MED8: variants seen among roughly 807,000 people sequenced by gnomAD.
The protein encoded by MED8 is mediator complex subunit 8.
In MED8, 22 loss-of-function variants were observed where a neutral mutation model predicts 34.8. The observed-to-expected ratio is 0.63, with a 90% CI of 0.45 to 0.90. The LOEUF (loss-of-function observed/expected upper bound fraction) is 0.90. Among genes scored for constraint, MED8 ranks in the 40% least tolerant of loss-of-function variants. MED8 has a pLI of 0.00. For synonymous variants in MED8, 105 were observed against 120.2 expected (o/e 0.87, Z 0.83); for missense variants, 260 against 326.3 (o/e 0.80, Z 1.57).
In MED8 at chr1:43,386,457, C is replaced by T; in HGVS notation, c.493+132G>A. The T allele has an allele frequency of 8.8e-7, 1 of 1,135,196 alleles. No individual in the cohort carries two copies. Among genetic ancestry groups the T allele is most frequent in the Non-Finnish European group, 1.3e-6 (1 of 796,302 alleles). 70.3% of individuals were successfully genotyped at this position (1,135,196 alleles called of 1,614,324 possible). ...CAGTGCTGGCCTTAAATACAAAAGG[C>T]TAACAGAATGGATACAAACCCCAAA... On this transcript the variant is annotated intron_variant, in intron 5 of 6. Coordinates refer to ENST00000372457, the MANE Select transcript of MED8 (RefSeq NM_201542.5). This position sits in a 1 kb window ranked among gnomAD's most constrained non-coding sequence, Gnocchi z 4.9.
chr1:43,388,620 C>G, intron 1 of MED8, 192 bp from the exon 2 acceptor site: 1 of 853,916 alleles, frequency 1.2e-6, no homozygotes, highest in Non-Finnish European at 1.7e-6. Context: ...ACCTTCCAAC[C>G]TGTTTGCCTG....
In MED8 at chr1:43,386,998, G is replaced by T; in HGVS notation, c.271C>A (p.Arg91=). 6.2e-7 allele frequency: 1 copy of T among 1,613,828 alleles called. No individual in the cohort carries two copies. Among genetic ancestry groups the T allele is most frequent in the African/African-American group, 1.3e-5 (1 of 75,022 alleles). ...LSPDRDEDLM[R]QTEGRVPVFS... is the part of the protein sequence containing the mutation. ...ACAGGCACCCGTCCTTCAGTCTGCC[G>T]CTGTAACACACAGATTTTATTGATC... The change falls in exon 4 of 7, where the codon CGG becomes AGG. Residue 91 remains arginine (R), a splice_region_variant and synonymous_variant. Coordinates refer to ENST00000372457, the MANE Select transcript of MED8 (RefSeq NM_201542.5). This position sits in a 1 kb window ranked among gnomAD's most constrained non-coding sequence, Gnocchi z 4.9.
In MED8 at chr1:43,389,779, C is replaced by T; in HGVS notation, c.-15G>A. ...CTCACCTGCATTGCGGCGGCCGAGG[C>T]GGCTGCCACGATTTCACTTCCGGTT... On this transcript the variant is annotated 5_prime_UTR_variant, in exon 1 of 7. Transcript: ENST00000372457. 6.2e-7 allele frequency: 1 copy of T among 1,609,094 alleles called. No individual in the cohort carries two copies. The highest frequency in any genetic ancestry group is 8.5e-7 in the Non-Finnish European group (1 of 1,177,880).
chr1:43,389,660 C>T, intron 1 of MED8, 99 bp downstream of exon 1: 1 of 1,526,952 alleles, frequency 6.5e-7, no homozygotes, highest in Non-Finnish European at 8.8e-7. Context: ...GTTCTGCCCT[C>T]TCTTCTCAGT....
chr1:43,385,323 T>C, intron 6 of MED8: 1 of 580,920 alleles, frequency 1.7e-6, no homozygotes. Context: ...GAATAGTCTG[T>C]TCATCCACTC....
Position 43,389,751 on chromosome 1 carries a change from A to C in MED8, c.6+8T>G. The C allele has an allele frequency of 6.2e-7, 1 of 1,606,916 alleles. No homozygotes were observed. The highest frequency in any genetic ancestry group is 8.5e-7 in the Non-Finnish European group (1 of 1,177,124). On this transcript the variant is annotated splice_region_variant and intron_variant, in intron 1 of 6. Coordinates refer to ENST00000372457, the MANE Select transcript of MED8 (RefSeq NM_201542.5). ...GCCAGCCGCTAGTACGCCCAACGCA[A>C]CTCTCACCTGCATTGCGGCGGCCGA...
chr1:43,386,256 T>C lies in MED8; in HGVS notation c.494-30A>G. The C allele has an allele frequency of 1.2e-6, 2 of 1,603,434 alleles. No homozygotes were observed. The highest frequency in any genetic ancestry group is 1.7e-5 in the Admixed American group (1 of 59,786). On this transcript the variant is annotated intron_variant, in intron 5 of 6. Coordinates refer to ENST00000372457, the MANE Select transcript of MED8 (RefSeq NM_201542.5). The surrounding 1 kb of genome is among the most constrained non-coding windows in gnomAD (Gnocchi z 4.9). ...AGAAAAAGTAATGGGGATCCTGAAGTATGCTTCTGATGCAGGACTGAACGT... is the reference window on the plus strand; with the variant it reads ...AGAAAAAGTAATGGGGATCCTGAAGCATGCTTCTGATGCAGGACTGAACGT...
rs943736793 is a variant in MED8, at chr1:43,387,519, C to T, written c.254G>A (p.Arg85Gln). The T allele has an allele frequency of 4.3e-6, 7 of 1,613,852 alleles. No individual in the cohort carries two copies. The highest frequency in any genetic ancestry group is 1.1e-5 in the South Asian group (1 of 91,088). ...TCCTCTTACCATGAGATCTTCATCT[C>T]GGTCTGGAGACAACACCAGAGGAAT... ...VIIPLVLSPD[R>Q]DEDLMRQTEG... Residue 85 changes from arginine (R) to glutamine (Q), a missense_variant, in exon 3 of 7, where the codon CGA becomes CAA. Coordinates refer to ENST00000372457, the MANE Select transcript of MED8 (RefSeq NM_201542.5).
At position 43,386,392 on chromosome 1, in the gene MED8, G is replaced by A; in HGVS notation, c.494-166C>T. ...CCAGAGGACCCCCAAGCCTATCTCA[G>A]AATTCTCTCTTCTTACTTTGCCCAT... On this transcript the variant is annotated intron_variant, in intron 5 of 6. Transcript: ENST00000372457. The surrounding 1 kb of genome is among the most constrained non-coding windows in gnomAD (Gnocchi z 4.9). 9.3e-7 allele frequency: 1 copy of A among 1,070,192 alleles called. No homozygotes were observed. The highest frequency in any genetic ancestry group is 1.3e-6 in the Non-Finnish European group (1 of 758,958). 66.3% of individuals were successfully genotyped at this position (1,070,192 alleles called of 1,614,324 possible).
In MED8 at chr1:43,384,132, AG is replaced by A. The variant is rs1301093698; in HGVS notation, c.*909del. On this transcript the variant is annotated 3_prime_UTR_variant, in exon 7 of 7. Coordinates refer to ENST00000372457, the MANE Select transcript of MED8 (RefSeq NM_201542.5). ...TTGGGCCACAGGCTTAGGGAAATGA[AG>A]GAAAGTCGTTTTCTTTGAAGGAAAT... 2 of 219,688 alleles carry A rather than the reference AG, an allele frequency of 9.1e-6. No individual in the cohort carries two copies. Among genetic ancestry groups the A allele is most frequent in the African/African-American group, 4.6e-5 (2 of 43,684 alleles). 13.6% of individuals were successfully genotyped at this position (219,688 alleles called of 1,614,324 possible). A position where few individuals can be genotyped will look rare whatever the true frequency, so the allele number is the denominator to read the frequency against.
chr1:43,389,199 C>T (rs1647938926), intron 1 of MED8: 1 of 153,746 alleles, frequency 6.5e-6, no homozygotes, highest in African/African-American at 2.4e-5. Context: ...CATTTCTTCA[C>T]CCTTAACAAC....
chr1:43,386,616 T>C lies in MED8; in HGVS notation c.466A>G (p.Lys156Glu). Residue 156 changes from lysine (K) to glutamate (E), a missense_variant, in exon 5 of 7, where the codon AAA becomes GAA. Lys to Glu is a moderately conservative substitution (Grantham distance 56, BLOSUM62 1). Transcript: ENST00000372457. The surrounding 1 kb of genome is among the most constrained non-coding windows in gnomAD (Gnocchi z 4.9). ...CCACTCTCTGATTCTCGCTCCTCTT[T>C]GCTGATTTTCTCCAGAAGGTTTGAA... ...MCSNLLEKIS[K>E]EERESESGGL... 6.2e-7 allele frequency: 1 copy of C among 1,612,422 alleles called. No homozygotes were observed. Among genetic ancestry groups the C allele is most frequent in the Non-Finnish European group, 8.5e-7 (1 of 1,179,192 alleles).
intron 6 of MED8, 109 bp from the exon 7 acceptor site, chr1:43,385,215 C>G: frequency 7.1e-7 from 1 of 1,402,134 alleles, no homozygotes. Flanking sequence ...ATCTCAGAAC[C>G]TCTGCGGCAT....
Position 43,389,776 on chromosome 1 carries a change from A to T in MED8, c.-12T>A. The T allele has an allele frequency of 6.2e-7, 1 of 1,609,218 alleles. No individual in the cohort carries two copies. The highest frequency in any genetic ancestry group is 8.5e-7 in the Non-Finnish European group (1 of 1,177,940). On this transcript the variant is annotated 5_prime_UTR_variant, in exon 1 of 7. Coordinates refer to ENST00000372457, the MANE Select transcript of MED8 (RefSeq NM_201542.5). ...ACTCTCACCTGCATTGCGGCGGCCG[A>T]GGCGGCTGCCACGATTTCACTTCCG...
Position 43,384,250 on chromosome 1 carries a change from A to T in MED8, c.*792T>A. 1 of 569,674 alleles carries T rather than the reference A, an allele frequency of 1.8e-6. No homozygotes were observed. The highest frequency in any genetic ancestry group is 2.9e-6 in the Non-Finnish European group (1 of 340,560). 35.3% of individuals were successfully genotyped at this position (569,674 alleles called of 1,614,324 possible). ...GCAATTCCCTTCTCCCTCCAAAATA[A>T]GAAACATGAATCCAGGGGAAGGGGC... On this transcript the variant is annotated 3_prime_UTR_variant, in exon 7 of 7. Transcript: ENST00000372457.
intron 1 of MED8, among the ~76,000 whole-genome samples, 179 bp downstream of exon 1, chr1:43,389,580 A>G (rs1257244694): frequency 6.7e-6 from 1 of 150,204 alleles, no homozygotes; most frequent in African/African-American, 2.5e-5. Flanking sequence ...CTCCACCCCC[A>G]CCTCTAATCG....
At chr1:43,388,508 G>C (rs1268277034) in intron 1 of MED8, 80 bp from the exon 2 acceptor site, 8 of 1,574,892 alleles carry the variant, frequency 5.1e-6, no homozygotes, top group Non-Finnish European at 6.9e-6. Flanking sequence ...CCAAGGAGAT[G>C]GTGTGCAACA....
At position 43,388,263 on chromosome 1, in the gene MED8, GC is replaced by G. The variant is rs745736093; in HGVS notation, c.125+46del. On this transcript the variant is annotated intron_variant, in intron 2 of 6. Transcript: ENST00000372457. ...AATGTCCTATTCATCAGGAGGCTAG[GC>G]CCCCCCACCCATAAGCCCTTCCTAG... The G allele has an allele frequency of 6.3e-6, 10 of 1,577,194 alleles. No individual in the cohort carries two copies. The South Asian group carries it at 7.8e-5, about 12-fold the overall frequency.
At position 43,384,802 on chromosome 1, in the gene MED8, A is replaced by T. The variant is rs11172; in HGVS notation, c.*240T>A. On this transcript the variant is annotated 3_prime_UTR_variant, in exon 7 of 7. Transcript: ENST00000372457. The stretch of plus-strand genomic sequence containing the variant: ...TGCTTTACATTCATTTCCTCATTTT[A>T]ATCCTCACAACAACCCTATGAGGTA... The T allele has an allele frequency of 2.2e-6, 3 of 1,395,234 alleles. No individual in the cohort carries two copies. Among genetic ancestry groups the T allele is most frequent in the Non-Finnish European group, 2.8e-6 (3 of 1,069,872 alleles). 86.4% of individuals were successfully genotyped at this position (1,395,234 alleles called of 1,614,324 possible).
Sources: allele counts gnomAD v4.1 joint callset (sites outside exome capture counted in the v4.1 genomes callset), GRCh38; gene constraint gnomAD v4.1.1; non-coding constraint Gnocchi (gnomAD v3.1); transcripts MANE v1.5; gene names NCBI Gene and HGNC (gene_info 2026-07-23, HGNC 2026-07-21).